Variants in EBF1 observed in about 807,000 individuals in gnomAD.
The protein encoded by EBF1 is EBF transcription factor 1, also known as transcription factor COE1.
In EBF1, 10 loss-of-function variants were observed where a neutral mutation model predicts 68.4. The observed-to-expected ratio is 0.15, with a 90% CI of 0.09 to 0.25. EBF1 has a LOEUF of 0.25. EBF1 is among the 10% of genes least tolerant of loss of function. EBF1 has a pLI of 1.00. For missense variants in EBF1, 509 were observed against 794.4 expected, an observed-to-expected ratio of 0.64 and a Z score of 4.32; for synonymous variants, 298 against 299.8, an observed-to-expected ratio of 0.99 and a Z score of 0.06.
At chr5:158,994,992 C>T (rs891221559) in intron 6 of EBF1, among the ~76,000 whole-genome samples, 6 of 152,352 alleles carry the variant, frequency 3.9e-5, no homozygotes, top group South Asian at 2.1e-4. Flanking sequence ...ATCCCTCTGA[C>T]GAGTTCTCAG....
At chr5:158,856,596 A>T (rs6885500) in intron 6 of EBF1, among the ~76,000 whole-genome samples, 88 of 109,396 alleles carry the variant, frequency 8.0e-4, no homozygotes, top group African/African-American at 2.5e-3. Flanking sequence ...TTAGAAAAAT[A>T]ATAATGAGTT....
chr5:159,085,149 T>C (rs963287835), intron 4 of EBF1, among the ~76,000 whole-genome samples: 1 of 152,254 alleles, frequency 6.6e-6, no homozygotes, highest in South Asian at 2.1e-4. Context: ...CTCACTTTAC[T>C]ACTTCCAGGC....
intron 6 of EBF1, among the ~76,000 whole-genome samples, chr5:158,906,051 G>A (rs1804513428): frequency 6.6e-6 from 1 of 152,126 alleles, no homozygotes; most frequent in African/African-American, 2.4e-5. Context: ...GTCAGCAGCA[G>A]AGAAATGTTG....
chr5:158,704,629 CTTTTT>C (rs80210765), intron 15 of EBF1, among the ~76,000 whole-genome samples: 3 of 141,610 alleles, frequency 2.1e-5, no homozygotes, highest in Non-Finnish European at 3.1e-5. Flanking sequence ...TCCTTTTTTT[CTTTTT>C]TTTTTTTATG....
At chr5:159,030,627 A>AAGAAATTG (rs934778127) in intron 6 of EBF1, among the ~76,000 whole-genome samples, 2 of 152,238 alleles carry the variant, frequency 1.3e-5, no homozygotes, top group African/African-American at 4.8e-5. Context: ...CAAGGGGAGC[A>AAGAAATTG]AGAAATTGGC....
intron 6 of EBF1, among the ~76,000 whole-genome samples, chr5:159,035,921 T>C (rs1769959432): frequency 6.6e-6 from 1 of 152,180 alleles, no homozygotes; most frequent in African/African-American, 2.4e-5. Flanking sequence ...AAAGATTCAG[T>C]CCTTGGGTTG....
intron 9 of EBF1, among the ~76,000 whole-genome samples, chr5:158,788,139 G>C (rs1777835525): frequency 6.6e-6 from 1 of 152,176 alleles, no homozygotes; most frequent in African/African-American, 2.4e-5. Flanking sequence ...ATTTATCCTG[G>C]ATCCTGCATT....
intron 8 of EBF1, among the ~76,000 whole-genome samples, chr5:158,798,501 T>A (rs1779990815): frequency 6.6e-6 from 1 of 152,088 alleles, no homozygotes; most frequent in Non-Finnish European, 1.5e-5. Context: ...GAAGGGGGTG[T>A]TTCTGTGTCT....
At chr5:158,821,120 A>G (rs1361700500) in intron 8 of EBF1, among the ~76,000 whole-genome samples, 2 of 152,016 alleles carry the variant, frequency 1.3e-5, no homozygotes, top group South Asian at 2.1e-4. Context: ...CCCTATCTAC[A>G]TTACCTGCCC....
At chr5:159,084,779 A>T in intron 4 of EBF1, 40 bp from the exon 5 acceptor site, 2 of 1,457,400 alleles carry the variant, frequency 1.4e-6, no homozygotes, top group Non-Finnish European at 1.9e-6. Context: ...AATGGAAAGG[A>T]GTAGCAGAAA....
At chr5:158,861,669 G>A (rs1794982107) in intron 6 of EBF1, among the ~76,000 whole-genome samples, 1 of 151,954 alleles carries the variant, frequency 6.6e-6, no homozygotes, top group East Asian at 1.9e-4. Context: ...GAGATCCCAG[G>A]GCCAAAGCAG....
intron 4 of EBF1, among the ~76,000 whole-genome samples, chr5:159,085,531 G>C (rs926652418): frequency 2.6e-5 from 4 of 152,154 alleles, no homozygotes; most frequent in African/African-American, 4.8e-5. Context: ...TGGGACCTCA[G>C]CTTTCATGGA....
chr5:158,794,797 A>C (rs1348249558), intron 9 of EBF1, among the ~76,000 whole-genome samples: 1 of 152,198 alleles, frequency 6.6e-6, no homozygotes, highest in Non-Finnish European at 1.5e-5. Flanking sequence ...GGAAGACAGC[A>C]GGCTGGCAGC....
chr5:158,731,618 A>G (rs1235896612), intron 10 of EBF1, among the ~76,000 whole-genome samples: 1 of 152,194 alleles, frequency 6.6e-6, no homozygotes, highest in Admixed American at 6.5e-5. Context: ...AGCACAAATA[A>G]GCATGCAAGA....
intron 6 of EBF1, among the ~76,000 whole-genome samples, chr5:159,036,200 T>A (rs1174824507): frequency 6.6e-6 from 1 of 152,188 alleles, no homozygotes; most frequent in African/African-American, 2.4e-5. Flanking sequence ...GTTGGCACTT[T>A]TAGATACCTT....
intron 6 of EBF1, among the ~76,000 whole-genome samples, chr5:158,963,948 G>A (rs929364107): frequency 1.3e-5 from 2 of 152,122 alleles, no homozygotes; most frequent in African/African-American, 2.4e-5. Context: ...GCTGGGGATG[G>A]GGGGAGTTAC....
intron 6 of EBF1, among the ~76,000 whole-genome samples, chr5:158,920,287 C>A (rs768396367): frequency 9.9e-5 from 15 of 152,150 alleles, no homozygotes; most frequent in Non-Finnish European, 1.9e-4. Flanking sequence ...GTTTACACAG[C>A]AACTAAATAA....
At chr5:159,041,180 A>G (rs1018894579) in intron 6 of EBF1, among the ~76,000 whole-genome samples, 1 of 152,216 alleles carries the variant, frequency 6.6e-6, no homozygotes, top group African/African-American at 2.4e-5. Context: ...TAATAAACTA[A>G]CAGTATTTCT....
At chr5:159,016,682 G>A (rs576784808) in intron 6 of EBF1, among the ~76,000 whole-genome samples, 2 of 152,306 alleles carry the variant, frequency 1.3e-5, no homozygotes, top group African/African-American at 2.4e-5. Flanking sequence ...CATCATTACT[G>A]GCACTTGGGT....
Sources: allele counts gnomAD v4.1 joint callset (sites outside exome capture counted in the v4.1 genomes callset), GRCh38; gene constraint gnomAD v4.1.1; transcripts MANE v1.5; gene names NCBI Gene and HGNC (gene_info 2026-07-23, HGNC 2026-07-21).